Variants in SETD4 observed in about 807,000 individuals in gnomAD.
The protein encoded by SETD4 is SET domain-containing protein 4.
A neutral mutation model predicts 58.3 loss-of-function variants in SETD4; 46 were observed. The ratio of observed to expected loss-of-function variants is 0.79; its 90% CI spans 0.62 to 1.01. SETD4 has a LOEUF of 1.01. Among genes scored for constraint, SETD4 ranks in the 50% least tolerant of loss-of-function variants. The pLI is 0.00. For synonymous variants in SETD4, 190 were observed against 202.6 expected, an observed-to-expected ratio of 0.94 and a Z score of 0.53; for missense variants, 490 against 523.3, an observed-to-expected ratio of 0.94 and a Z score of 0.62.
chr21:36,059,650 T>G lies in SETD4; in HGVS notation c.-37+697A>C, dbSNP rs1021109097. 150 of 796,282 alleles carry G rather than the reference T, an allele frequency of 1.9e-4. No homozygotes were observed. The African/African-American group carries it at 2.6e-3, about 14-fold the overall frequency. The allele number at this position is 796,282 out of a possible 1,614,324, so 49.3% of individuals were successfully genotyped here. A position where few individuals can be genotyped will look rare whatever the true frequency, so the allele number is the denominator to read the frequency against. ...CTGCAGCTAGACGAGATCACGCCAC[T>G]GCACTCCAACCTGGGCGACAGAGCG... is the stretch of plus-strand genomic sequence containing the variant. On this transcript the variant is annotated intron_variant, in intron 1 of 11. Transcript: ENST00000332131.
chr21:36,051,126 G>T, intron 4 of SETD4: 1 of 1,445,040 alleles, frequency 6.9e-7, no homozygotes, highest in Middle Eastern at 1.7e-4. Flanking sequence ...AGACTATACT[G>T]CCTCCCTTCT....
Position 36,043,883 on chromosome 21 carries a change from T to TC in SETD4, c.799dup (p.Glu267GlyfsTer11). On this transcript the variant is annotated frameshift_variant, in exon 7 of 12. Transcript: ENST00000332131. LOFTEE classifies it high-confidence loss of function. ...GTGAGGGCCGTAACAGATGAATACC[T>TC]CTTCATGCTTTCTCCAACGTGAAGT... 5 of 1,614,212 alleles carry TC rather than the reference T, an allele frequency of 3.1e-6. No individual in the cohort carries two copies. The highest frequency in any genetic ancestry group is 4.2e-6 in the Non-Finnish European group (5 of 1,180,046).
chr21:36,057,412 A>C (rs1440241096), intron 2 of SETD4: 1 of 713,986 alleles, frequency 1.4e-6, no homozygotes, highest in East Asian at 2.7e-5. Flanking sequence ...TGGGAGGCCA[A>C]GGCGGGAGGA....
At chr21:36,048,489 TACCAGTA>T in intron 4 of SETD4, 93 bp from the exon 5 acceptor site, 1 of 1,049,724 alleles carries the variant, frequency 9.5e-7, no homozygotes, top group Non-Finnish European at 1.5e-6. Flanking sequence ...CACAATCACC[TACCAGTA>T]ACCCACTGTA....
At chr21:36,040,778 TC>T in intron 8 of SETD4, 123 bp from the exon 9 acceptor site, 1 of 777,824 alleles carries the variant, frequency 1.3e-6, no homozygotes, top group East Asian at 2.6e-5. Context: ...ACCTGCAACC[TC>T]GGCCAAAGGA....
At chr21:36,057,060 C>A (rs763305186) in intron 3 of SETD4, 49 bp downstream of exon 3, 1 of 1,474,764 alleles carries the variant, frequency 6.8e-7, no homozygotes, top group African/African-American at 1.4e-5. Context: ...CTGCTGTCTA[C>A]CTGGCTCTCG....
chr21:36,056,265 A>T (rs1220266502), intron 3 of SETD4, among the ~76,000 whole-genome samples: 1 of 152,204 alleles, frequency 6.6e-6, no homozygotes, highest in Non-Finnish European at 1.5e-5. Flanking sequence ...TCAATTACCT[A>T]ATGGGTACTT....
intron 4 of SETD4, chr21:36,050,903 C>T: frequency 6.2e-7 from 1 of 1,610,706 alleles, no homozygotes; most frequent in Non-Finnish European, 8.5e-7. Context: ...TGCAAAGCAA[C>T]TGCTCATTAG....
At chr21:36,049,342 G>GTC (rs2064525104) in intron 4 of SETD4, among the ~76,000 whole-genome samples, 1 of 152,066 alleles carries the variant, frequency 6.6e-6, no homozygotes, top group South Asian at 2.1e-4. Flanking sequence ...ATCGCTTGAG[G>GTC]TCAGGAGTTC....
intron 4 of SETD4, among the ~76,000 whole-genome samples, chr21:36,052,513 G>A (rs537359820): frequency 4.1e-4 from 60 of 145,348 alleles, no homozygotes; most frequent in African/African-American, 1.5e-3. Context: ...AGCCGAGATC[G>A]CGCCACTGCA....
At chr21:36,058,455 A>G (rs1219975677) in intron 2 of SETD4, among the ~76,000 whole-genome samples, 1 of 150,460 alleles carries the variant, frequency 6.6e-6, no homozygotes, top group Non-Finnish European at 1.5e-5. Context: ...AGATCAAGCC[A>G]TGATCACGCC....
At chr21:36,058,250 A>T (rs1428607897) in intron 2 of SETD4, among the ~76,000 whole-genome samples, 1 of 152,082 alleles carries the variant, frequency 6.6e-6, no homozygotes, top group African/African-American at 2.4e-5. Flanking sequence ...CTGTAATCCC[A>T]GTGCTTTGGG....
intron 4 of SETD4, chr21:36,050,139 G>A: frequency 1.2e-6 from 1 of 831,196 alleles, no homozygotes. Context: ...ATATCTGGCT[G>A]TTCATCTTCC....
At chr21:36,045,388 G>C (rs1371348619) in intron 6 of SETD4, among the ~76,000 whole-genome samples, 194 bp downstream of exon 6, 2 of 152,188 alleles carry the variant, frequency 1.3e-5, no homozygotes, top group Non-Finnish European at 2.9e-5. Flanking sequence ...AAGGGGCCAA[G>C]GCAAGCACTG....
At chr21:36,059,865 T>C (rs535849941) in intron 1 of SETD4, 1 of 985,514 alleles carries the variant, frequency 1.0e-6, no homozygotes, top group African/African-American at 1.7e-5. Flanking sequence ...GAACGGCGGC[T>C]GGTTCGGTGC....
chr21:36,057,478 C>T lies in SETD4; in HGVS notation c.74-274G>A, dbSNP rs996272265. The T allele has an allele frequency of 1.3e-4, 77 of 595,424 alleles. 1 individual carries two copies. The highest frequency in any genetic ancestry group is 3.8e-5 in the African/African-American group (2 of 52,666). The allele number at this position is 595,424 out of a possible 1,614,324, so 36.9% of individuals were successfully genotyped here. On this transcript the variant is annotated intron_variant, in intron 2 of 11. Transcript: ENST00000332131. ...TGCCCAACACAGAAAGACCCCATCT[C>T]TTAAAAAAAAAAAAAATACAATATT...
At chr21:36,051,816 T>C (rs2064708531) in intron 4 of SETD4, among the ~76,000 whole-genome samples, 1 of 152,218 alleles carries the variant, frequency 6.6e-6, no homozygotes, top group Non-Finnish European at 1.5e-5. Flanking sequence ...CAGGAATTTT[T>C]GTATTATACA....
intron 3 of SETD4, among the ~76,000 whole-genome samples, chr21:36,056,546 G>T (rs1018026830): frequency 6.6e-6 from 1 of 152,146 alleles, no homozygotes; most frequent in African/African-American, 2.4e-5. Flanking sequence ...TGTTCCAGAA[G>T]AAAGTGGTTT....
At chr21:36,038,399 G>A in intron 9 of SETD4, 126 bp from the exon 10 acceptor site, 1 of 1,204,004 alleles carries the variant, frequency 8.3e-7, no homozygotes, top group Non-Finnish European at 1.2e-6. Context: ...CATTCCATAA[G>A]CAGATTCCCC....
Sources: allele counts gnomAD v4.1 joint callset (sites outside exome capture counted in the v4.1 genomes callset), GRCh38; gene constraint gnomAD v4.1.1; transcripts MANE v1.5; gene names NCBI Gene and HGNC (gene_info 2026-07-23, HGNC 2026-07-21).